The following PTPRD variants were observed in gnomAD, a reference collection of about 807,000 sequenced individuals.
PTPRD encodes receptor-type tyrosine-protein phosphatase delta.
PTPRD carries 34 observed loss-of-function variants against 214.5 expected under a neutral mutation model. That is an observed-to-expected ratio of 0.16 (90% CI 0.12 to 0.21). PTPRD has a LOEUF of 0.21. Among genes scored for constraint, PTPRD ranks in the 10% least tolerant of loss-of-function variants. The probability of loss-of-function intolerance (pLI) is 1.00; values close to 1 mark genes in which losing one functional copy is unlikely to be tolerated. For synonymous variants in PTPRD, 1,128 were observed against 845.7 expected (o/e 1.33, Z -5.79); for missense variants, 2,545 against 2,398.7 (o/e 1.06, Z -1.27).
Position 8,314,363 on chromosome 9 carries a change from A to G in PTPRD, c.*3511T>C, listed in dbSNP as rs1820845371. 1 of 229,136 alleles carries G rather than the reference A, an allele frequency of 4.4e-6. No individual in the cohort carries two copies. The highest frequency in any genetic ancestry group is 8.7e-6 in the Non-Finnish European group (1 of 115,144). 14.2% of individuals were successfully genotyped at this position (229,136 alleles called of 1,614,324 possible). A position where few individuals can be genotyped will look rare whatever the true frequency, so the allele number is the denominator to read the frequency against. ...CCAATGTAACGAAGTAAGAAAATAA[A>G]AAGCACGCCTTTCATTCTGTAAAAC... is the stretch of plus-strand genomic sequence containing the variant. On this transcript the variant is annotated 3_prime_UTR_variant, in exon 46 of 46. Transcript: ENST00000381196.
intron 10 of PTPRD, among the ~76,000 whole-genome samples, chr9:9,053,792 C>A (rs2099691077): frequency 1.3e-5 from 2 of 152,130 alleles, no homozygotes; most frequent in African/African-American, 2.4e-5. Flanking sequence ...TGTTGATTAG[C>A]AGGCTAGGTT....
At chr9:9,467,665 G>A (rs924430999) in intron 8 of PTPRD, among the ~76,000 whole-genome samples, 2 of 145,456 alleles carry the variant, frequency 1.4e-5, no homozygotes, top group Admixed American at 7.1e-5. Context: ...GTTTACTATC[G>A]ATTTCAGTAG....
At chr9:10,219,516 G>C (rs1043399799) in intron 3 of PTPRD, among the ~76,000 whole-genome samples, 2 of 151,810 alleles carry the variant, frequency 1.3e-5, no homozygotes, top group South Asian at 4.1e-4. Context: ...GGAGGGATGA[G>C]AGGCCCATTT....
chr9:9,809,183 C>CT (rs987429094), intron 5 of PTPRD, among the ~76,000 whole-genome samples: 2 of 151,448 alleles, frequency 1.3e-5, no homozygotes, highest in African/African-American at 4.9e-5. Flanking sequence ...GTTTGTAGGC[C>CT]TTTTTTTCTG....
At chr9:9,568,273 A>T (rs186043017) in intron 8 of PTPRD, among the ~76,000 whole-genome samples, 2 of 151,920 alleles carry the variant, frequency 1.3e-5, no homozygotes, top group Non-Finnish European at 2.9e-5. Flanking sequence ...CATAGTGCAC[A>T]TCCTTCTTGT....
rs1245284728 is a variant in PTPRD at position 10,231,989 on chromosome 9, A to AGAGAGAGAGAGTGTGTGT, written c.-545+108973_-545+108974insACACACACTCTCTCTCTC. On this transcript the variant is annotated intron_variant, in intron 3 of 45. Coordinates refer to ENST00000381196, the MANE Select transcript of PTPRD (RefSeq NM_002839.4). The stretch of plus-strand genomic sequence containing the variant: ...GAGAGAGAGAGAGAGAGAGAGAGAG[A>AGAGAGAGAGAGTGTGTGT]GTGTGTGTGTGTGTGTGTGTGTGTG... Among the ~76,000 whole-genome samples, 546 of 92,422 alleles carry AGAGAGAGAGAGTGTGTGT rather than the reference A, an allele frequency of 5.9e-3. 6 individuals are homozygous for AGAGAGAGAGAGTGTGTGT. Among genetic ancestry groups the AGAGAGAGAGAGTGTGTGT allele is most frequent in the African/African-American group, 0.019 (367 of 18,916 alleles). 60.6% of individuals were successfully genotyped at this position (92,422 alleles called of 152,430 possible). A position where few individuals can be genotyped will look rare whatever the true frequency, so the allele number is the denominator to read the frequency against.
chr9:9,825,350 G>A lies in PTPRD; in HGVS notation c.-367-58499C>T, dbSNP rs185223696. 3.2e-4 allele frequency among the ~76,000 whole-genome samples: 49 copies of A among 151,148 alleles called. 1 individual carries two copies. In the East Asian group the frequency reaches 8.2e-3, roughly 25 times the overall value. ...AGAGAGAGAAAGAGACAAAGAAAGA[G>A]ACAAAGAGACACAGAGAGAGACACA... On this transcript the variant is annotated intron_variant, in intron 5 of 45. Transcript: ENST00000381196.
chr9:9,494,892 C>A (rs2096097381), intron 8 of PTPRD, among the ~76,000 whole-genome samples: 1 of 152,150 alleles, frequency 6.6e-6, no homozygotes, highest in Admixed American at 6.5e-5. Flanking sequence ...CTGTAAGATT[C>A]ACACTGCCTG....
At chr9:10,418,532 T>G (rs1315028755) in intron 2 of PTPRD, among the ~76,000 whole-genome samples, 2 of 150,792 alleles carry the variant, frequency 1.3e-5, no homozygotes, top group Admixed American at 6.7e-5. Context: ...ATTTTCTCCA[T>G]AGCATTTATC....
At chr9:8,687,918 T>A (rs986548274) in intron 12 of PTPRD, among the ~76,000 whole-genome samples, 4 of 152,306 alleles carry the variant, frequency 2.6e-5, no homozygotes, top group East Asian at 1.9e-4. Flanking sequence ...AATCTATATG[T>A]ATAATGTCCC....
intron 10 of PTPRD, among the ~76,000 whole-genome samples, chr9:9,028,357 A>C (rs1453259781): frequency 6.6e-6 from 1 of 151,944 alleles, no homozygotes; most frequent in Non-Finnish European, 1.5e-5. Context: ...GCAGAACTAA[A>C]ATTATAGCAG....
At chr9:10,168,872 T>C (rs2099178412) in intron 3 of PTPRD, among the ~76,000 whole-genome samples, 1 of 152,308 alleles carries the variant, frequency 6.6e-6, no homozygotes, top group South Asian at 2.1e-4. Context: ...AAATCTAAAA[T>C]GTTTACTTTA....
At chr9:9,492,049 G>A (rs2095928806) in intron 8 of PTPRD, among the ~76,000 whole-genome samples, 1 of 151,804 alleles carries the variant, frequency 6.6e-6, no homozygotes, top group Non-Finnish European at 1.5e-5. Context: ...AATGAGAAAT[G>A]AAAGTGGGGG....
chr9:9,756,604 G>C (rs2098583785), intron 6 of PTPRD, among the ~76,000 whole-genome samples: 2 of 152,094 alleles, frequency 1.3e-5, no homozygotes, highest in African/African-American at 4.8e-5. Flanking sequence ...CTGTTTAGTG[G>C]ATACAGAGTT....
chr9:9,450,417 T>C (rs539054898), intron 8 of PTPRD, among the ~76,000 whole-genome samples: 1 of 151,984 alleles, frequency 6.6e-6, no homozygotes, highest in East Asian at 1.9e-4. Flanking sequence ...ACCACATCCA[T>C]GCCAACATCT....
At chr9:9,922,035 G>A (rs2082695356) in intron 5 of PTPRD, among the ~76,000 whole-genome samples, 1 of 152,090 alleles carries the variant, frequency 6.6e-6, no homozygotes, top group African/African-American at 2.4e-5. Flanking sequence ...GAAGCAGGTG[G>A]AGAAATGATT....
intron 11 of PTPRD, among the ~76,000 whole-genome samples, chr9:8,832,989 C>G (rs939342479): frequency 6.6e-6 from 1 of 152,042 alleles, no homozygotes; most frequent in Admixed American, 6.6e-5. Flanking sequence ...AAGACATTTT[C>G]TTTCCTATTC....
At chr9:10,261,730 C>T (rs943260297) in intron 3 of PTPRD, among the ~76,000 whole-genome samples, 3 of 151,910 alleles carry the variant, frequency 2.0e-5, no homozygotes, top group African/African-American at 4.8e-5. Flanking sequence ...GAGTAAGAAA[C>T]GAATGGAATC....
At chr9:8,781,364 A>G (rs1256019611) in intron 11 of PTPRD, among the ~76,000 whole-genome samples, 2 of 152,186 alleles carry the variant, frequency 1.3e-5, no homozygotes, top group Non-Finnish European at 2.9e-5. Flanking sequence ...CATTTGAGTG[A>G]AAATTACCAG....
Sources: allele counts gnomAD v4.1 joint callset (sites outside exome capture counted in the v4.1 genomes callset), GRCh38; gene constraint gnomAD v4.1.1; transcripts MANE v1.5; gene names NCBI Gene and HGNC (gene_info 2026-07-23, HGNC 2026-07-21).